MRPS35: variants seen among roughly 807,000 people sequenced by gnomAD.
MRPS35 encodes mitochondrial ribosomal protein S35.
Under a neutral mutation model 32.7 loss-of-function variants are expected in MRPS35, and 29 were observed. The ratio of observed to expected loss-of-function variants is 0.89; its 90% CI spans 0.66 to 1.21. MRPS35 has a LOEUF of 1.21. Ranked by LOEUF, MRPS35 falls within the 50% of genes most tolerant of loss-of-function variation. The pLI, the probability that MRPS35 is intolerant of heterozygous loss-of-function variation, is 0.00. For missense variants in MRPS35, 373 were observed against 383.8 expected, an observed-to-expected ratio of 0.97 and a Z score of 0.23; for synonymous variants, 148 against 139.3, an observed-to-expected ratio of 1.06 and a Z score of -0.44.
At chr12:27,722,493 G>A (rs752519559) in intron 4 of MRPS35, among the ~76,000 whole-genome samples, 20 of 151,850 alleles carry the variant, frequency 1.3e-4, no homozygotes, top group Non-Finnish European at 2.4e-4. Flanking sequence ...ATCATTTGAT[G>A]ATTGAAATGA....
intron 2 of MRPS35, among the ~76,000 whole-genome samples, 156 bp downstream of exon 2, chr12:27,714,976 T>G (rs1169786377): frequency 6.6e-6 from 1 of 152,172 alleles, no homozygotes; most frequent in Non-Finnish European, 1.5e-5. Flanking sequence ...TAGTCTTTGT[T>G]TTTTGTCAGT....
chr12:27,751,144 G>GAAAAGA (rs2062001703), intron 7 of MRPS35, among the ~76,000 whole-genome samples: 5 of 144,996 alleles, frequency 3.4e-5, no homozygotes. Context: ...AAAGAAAAAG[G>GAAAAGA]AAAAGAAAAA....
intron 5 of MRPS35, chr12:27,725,724 AG>A (rs1374900211): frequency 6.8e-6 from 1 of 148,146 alleles, no homozygotes; most frequent in Non-Finnish European, 1.5e-5. Flanking sequence ...AGTGAGGTTG[AG>A]GATTTATTCC....
chr12:27,738,372 A>G (rs1349873757), intron 7 of MRPS35, among the ~76,000 whole-genome samples: 1 of 152,158 alleles, frequency 6.6e-6, no homozygotes, highest in Admixed American at 6.6e-5. Flanking sequence ...TCAGTGTTCA[A>G]AAAGTTTTGG....
At chr12:27,716,681 T>C (rs2061852506) in intron 3 of MRPS35, among the ~76,000 whole-genome samples, 1 of 152,224 alleles carries the variant, frequency 6.6e-6, no homozygotes, top group African/African-American at 2.4e-5. Context: ...CAAAGAATCC[T>C]AGGCATTTAA....
intron 3 of MRPS35, among the ~76,000 whole-genome samples, chr12:27,718,411 TCAAAAACAAAAAA>T (rs1344857288): frequency 6.6e-6 from 1 of 152,098 alleles, no homozygotes; most frequent in Admixed American, 6.6e-5. Context: ...AGACTCCATC[TCAAAAACAAAAAA>T]CATTATTTTC....
chr12:27,720,569 C>G (rs1276253472), intron 4 of MRPS35, among the ~76,000 whole-genome samples: 2 of 151,748 alleles, frequency 1.3e-5, no homozygotes, highest in Non-Finnish European at 2.9e-5. Flanking sequence ...AAAGCACTAG[C>G]CTTATGTGCT....
intron 7 of MRPS35, among the ~76,000 whole-genome samples, chr12:27,746,369 G>T (rs2061982013): frequency 2.0e-5 from 3 of 152,194 alleles, no homozygotes. Flanking sequence ...TCACATTTCA[G>T]ATTTGGAATG....
intron 1 of MRPS35, 23 bp from the exon 2 acceptor site, chr12:27,714,757 A>G (rs781213437): frequency 4.8e-5 from 76 of 1,585,826 alleles, no homozygotes; most frequent in Non-Finnish European, 6.4e-5. Flanking sequence ...CTCTTTAACT[A>G]CTGTGTTATC....
intron 1 of MRPS35, among the ~76,000 whole-genome samples, chr12:27,711,644 A>G (rs1268972834): frequency 6.6e-6 from 1 of 151,782 alleles, no homozygotes; most frequent in Non-Finnish European, 1.5e-5. Context: ...ACTACCAACT[A>G]TCTAGTTCAG....
chr12:27,752,996 T>A (rs1168101207), intron 7 of MRPS35: 1 of 152,136 alleles, frequency 6.6e-6, no homozygotes, highest in Non-Finnish European at 1.5e-5. Flanking sequence ...AAAATAATAA[T>A]AATAAAATAA....
intron 7 of MRPS35, among the ~76,000 whole-genome samples, chr12:27,743,027 A>AT (rs2061969806): frequency 1.3e-5 from 2 of 151,446 alleles, no homozygotes; most frequent in African/African-American, 4.8e-5. Context: ...TGCGGAGCTA[A>AT]TTTTTTTATT....
At chr12:27,755,015 A>G (rs1308930062) in intron 7 of MRPS35, among the ~76,000 whole-genome samples, 166 bp from the exon 8 acceptor site, 1 of 152,104 alleles carries the variant, frequency 6.6e-6, no homozygotes. Context: ...TTAAGGGGCC[A>G]AAGTGCACAG....
At chr12:27,713,705 C>T (rs1472357887) in intron 1 of MRPS35, among the ~76,000 whole-genome samples, 2 of 152,214 alleles carry the variant, frequency 1.3e-5, no homozygotes, top group African/African-American at 4.8e-5. Flanking sequence ...AAATGCCTGT[C>T]TCTCCTGGAA....
chr12:27,719,341 T>G (rs2061863608), intron 3 of MRPS35, among the ~76,000 whole-genome samples: 1 of 152,182 alleles, frequency 6.6e-6, no homozygotes, highest in Non-Finnish European at 1.5e-5. Context: ...ATTTCTTGAA[T>G]TGACAACATC....
At chr12:27,723,395 C>A (rs886932307) in intron 4 of MRPS35, among the ~76,000 whole-genome samples, 25 of 152,150 alleles carry the variant, frequency 1.6e-4, no homozygotes, top group African/African-American at 5.6e-4. Context: ...ATCCCACTTC[C>A]TCTCTATGCT....
At chr12:27,719,672 CA>C (rs34620750) in intron 3 of MRPS35, 135 bp from the exon 4 acceptor site, 29,610 of 401,596 alleles carry the variant, frequency 0.074, 8 homozygotes, top group South Asian at 0.091. Context: ...GACTCTGTCT[CA>C]AAAAAAAAAA....
intron 4 of MRPS35, among the ~76,000 whole-genome samples, chr12:27,721,809 G>A (rs1593465674): frequency 1.3e-5 from 2 of 152,290 alleles, no homozygotes; most frequent in South Asian, 4.1e-4. Context: ...ACAGGGCGTG[G>A]TAGCTCATGC....
chr12:27,714,681 C>T, intron 1 of MRPS35, 99 bp from the exon 2 acceptor site: 4 of 833,452 alleles, frequency 4.8e-6, no homozygotes, highest in South Asian at 1.9e-5. Context: ...TACTAAATAC[C>T]TTAAATTGTG....
Sources: gnomAD v4.1 joint callset for allele counts (sites outside exome capture counted in the v4.1 genomes callset) on GRCh38, gnomAD v4.1.1 for gene constraint, MANE v1.5 for transcripts, NCBI Gene and HGNC (gene_info 2026-07-23, HGNC 2026-07-21) for gene names.